VRK1: variants seen among roughly 807,000 people sequenced by gnomAD.
VRK1 encodes VRK serine/threonine kinase 1, also known as serine/threonine-protein kinase VRK1.
Under a neutral mutation model 57.1 loss-of-function variants are expected in VRK1, and 33 were observed. The ratio of observed to expected loss-of-function variants is 0.58; its 90% confidence interval spans 0.44 to 0.77. The LOEUF (loss-of-function observed/expected upper bound fraction) is 0.77, where lower values mean the gene tolerates loss of function less well. VRK1 is among the 30% of genes least tolerant of loss of function. The probability of loss-of-function intolerance (pLI) is 0.00; values close to 1 mark genes in which losing one functional copy is unlikely to be tolerated. For synonymous variants in VRK1, 137 were observed against 147.8 expected (o/e 0.93, Z 0.53); for missense variants, 413 against 477.3 (o/e 0.87, Z 1.25).
chr14:96,809,842 G>A (rs1886103509), intron 1 of VRK1, among the ~76,000 whole-genome samples: 1 of 151,966 alleles, frequency 6.6e-6, no homozygotes, highest in Admixed American at 6.6e-5. Flanking sequence ...CTAAGCGCTG[G>A]GGTTACAGGT....
At chr14:96,819,460 A>G (rs926637724) in intron 1 of VRK1, among the ~76,000 whole-genome samples, 12 of 152,212 alleles carry the variant, frequency 7.9e-5, no homozygotes, top group African/African-American at 2.9e-4. Flanking sequence ...ATGAAAATAT[A>G]AAGATGCTGG....
chr14:96,858,734 T>C (rs1233089697), intron 10 of VRK1, among the ~76,000 whole-genome samples: 2 of 152,196 alleles, frequency 1.3e-5, no homozygotes, highest in Non-Finnish European at 2.9e-5. Context: ...CTTTTTTCAA[T>C]TGTCCTTTTT....
Position 96,847,338 on chromosome 14 carries a change from GA to G in VRK1, c.373del (p.Ser125ValfsTer5). ...GGGTCTGGTCTACATGACAAAAATG[GA>G]AAAAGGTAAAAATATGTGTGATTTG... is the stretch of plus-strand genomic sequence containing the variant. ...YWGSGLHDKN[G>X]KSYRFMIMDR... On this transcript the variant is annotated frameshift_variant, in exon 5 of 13. Transcript: ENST00000216639. LOFTEE classifies it high-confidence loss of function. 2 of 1,612,994 alleles carry G rather than the reference GA, an allele frequency of 1.2e-6. No individual in the cohort carries two copies. The highest frequency in any genetic ancestry group is 1.7e-6 in the Non-Finnish European group (2 of 1,179,122).
At chr14:96,857,681 T>C (rs1566711216) in intron 10 of VRK1, among the ~76,000 whole-genome samples, 2 of 152,162 alleles carry the variant, frequency 1.3e-5, no homozygotes, top group African/African-American at 2.4e-5. Context: ...AGAGTGAGAA[T>C]TGGTCAGTCT....
chr14:96,859,188 G>C (rs1222458932), intron 10 of VRK1, among the ~76,000 whole-genome samples: 1 of 151,924 alleles, frequency 6.6e-6, no homozygotes, highest in East Asian at 1.9e-4. Context: ...CTTTTTGCTG[G>C]TATATAGAAA....
At chr14:96,809,686 C>T (rs972369833) in intron 1 of VRK1, among the ~76,000 whole-genome samples, 3 of 151,634 alleles carry the variant, frequency 2.0e-5, no homozygotes, top group Admixed American at 6.6e-5. Context: ...GATTCTCCTG[C>T]CTCAGTCTCA....
chr14:96,848,878 C>T (rs372386857), intron 5 of VRK1, among the ~76,000 whole-genome samples: 3 of 152,224 alleles, frequency 2.0e-5, no homozygotes, highest in African/African-American at 4.8e-5. Flanking sequence ...TCTTTAATCG[C>T]TTAAATGTTA....
chr14:96,881,145 A>G (rs373319483), intron 12 of VRK1, 32 bp from the exon 13 acceptor site: 1 of 1,579,700 alleles, frequency 6.3e-7, no homozygotes, highest in South Asian at 1.1e-5. Context: ...ATTATTGACT[A>G]GTGATTTCAG....
At chr14:96,862,872 G>GTA (rs1888445567) in intron 11 of VRK1, among the ~76,000 whole-genome samples, 1 of 152,122 alleles carries the variant, frequency 6.6e-6, no homozygotes, top group Non-Finnish European at 1.5e-5. Context: ...AAAGTGTGAA[G>GTA]TATATTTTCT....
At chr14:96,847,110 C>T (rs1386353006) in intron 4 of VRK1, 147 bp from the exon 5 acceptor site, 17 of 623,416 alleles carry the variant, frequency 2.7e-5, no homozygotes, top group East Asian at 1.7e-4. Flanking sequence ...TTTCGTTATT[C>T]GTTATACTGT....
intron 3 of VRK1, among the ~76,000 whole-genome samples, chr14:96,842,388 G>A (rs1887498270): frequency 1.3e-5 from 2 of 152,068 alleles, no homozygotes; most frequent in Admixed American, 1.3e-4. Context: ...ATGAACATTT[G>A]TCATTTAAAA....
At chr14:96,808,704 CTG>C (rs1886022826) in intron 1 of VRK1, among the ~76,000 whole-genome samples, 1 of 137,358 alleles carries the variant, frequency 7.3e-6, no homozygotes, top group Admixed American at 7.7e-5. Context: ...GATGTTGTGT[CTG>C]AGATTCATTC....
At chr14:96,836,374 A>G (rs904330639) in intron 2 of VRK1, among the ~76,000 whole-genome samples, 2 of 152,040 alleles carry the variant, frequency 1.3e-5, no homozygotes, top group African/African-American at 4.8e-5. Context: ...GTGACAGCCA[A>G]AACCTTTATG....
intron 1 of VRK1, among the ~76,000 whole-genome samples, chr14:96,819,968 T>C (rs1284896026): frequency 6.6e-6 from 1 of 152,082 alleles, no homozygotes; most frequent in Non-Finnish European, 1.5e-5. Flanking sequence ...ATTTGCTGAG[T>C]GTACTTCTCA....
chr14:96,808,965 A>G (rs945143637), intron 1 of VRK1, among the ~76,000 whole-genome samples: 3 of 152,172 alleles, frequency 2.0e-5, no homozygotes, highest in South Asian at 2.1e-4. Flanking sequence ...ACTTTCCTGT[A>G]TGGTACCTTG....
At chr14:96,845,991 A>T in intron 3 of VRK1, 104 bp from the exon 4 acceptor site, 3 of 1,054,270 alleles carry the variant, frequency 2.8e-6, no homozygotes, top group African/African-American at 1.6e-5. Context: ...TATCAAAATT[A>T]CATTGGACAG....
intron 2 of VRK1, among the ~76,000 whole-genome samples, chr14:96,835,299 A>G (rs1428939384): frequency 6.6e-6 from 1 of 152,188 alleles, no homozygotes; most frequent in African/African-American, 2.4e-5. Flanking sequence ...GATACTGTTT[A>G]TCTTTGTTTC....
chr14:96,879,613 T>C (rs896002680), intron 12 of VRK1, among the ~76,000 whole-genome samples: 1 of 152,132 alleles, frequency 6.6e-6, no homozygotes, highest in African/African-American at 2.4e-5. Context: ...TTTTCAGTTT[T>C]CTGTGCAGAA....
intron 12 of VRK1, 36 bp from the exon 13 acceptor site, chr14:96,881,141 G>A: frequency 1.3e-6 from 2 of 1,530,222 alleles, no homozygotes; most frequent in East Asian, 4.8e-5. Flanking sequence ...GTAAATTATT[G>A]ACTAGTGATT....
Sources: allele counts gnomAD v4.1 joint callset (sites outside exome capture counted in the v4.1 genomes callset), GRCh38; gene constraint gnomAD v4.1.1; transcripts MANE v1.5; gene names NCBI Gene and HGNC (gene_info 2026-07-23, HGNC 2026-07-21).